CNTN6: variants seen among roughly 807,000 people sequenced by gnomAD.
The protein encoded by CNTN6 is contactin-6.
CNTN6 carries 137 observed loss-of-function variants against 122.8 expected under a neutral mutation model. That is an observed-to-expected ratio of 1.12 (90% CI 0.97 to 1.29). CNTN6 has a LOEUF of 1.29. Among genes scored for constraint, CNTN6 ranks in the 50% most tolerant of loss-of-function variants. The pLI, the probability that CNTN6 is intolerant of heterozygous loss-of-function variation, is 0.00. For synonymous variants in CNTN6, 570 were observed against 426.0 expected (o/e 1.34, Z -4.16); for missense variants, 1,634 against 1,223.4 (o/e 1.34, Z -5.01).
At chr3:1,249,862 G>C (rs1487733466) in intron 4 of CNTN6, among the ~76,000 whole-genome samples, 1 of 152,022 alleles carries the variant, frequency 6.6e-6, no homozygotes, top group Non-Finnish European at 1.5e-5. Flanking sequence ...ATAAACAACT[G>C]TGCTGGAGGC....
rs773026703 is a variant in CNTN6 at position 1,385,737 on chromosome 3, TACA to T, written c.2648_2650del (p.Asn883del). 10 of 1,614,118 alleles carry T rather than the reference TACA, an allele frequency of 6.2e-6. No individual in the cohort carries two copies. The highest frequency in any genetic ancestry group is 7.6e-6 in the Non-Finnish European group (9 of 1,179,962). ...CATCTACTTTGCTTCCGTAAGAGCTTACAACACTGCTGGGACAGGGCCCTCAAG... is the reference window on the plus strand; with the variant it reads ...CATCTACTTTGCTTCCGTAAGAGCTTACACTGCTGGGACAGGGCCCTCAAG... On this transcript the variant is annotated inframe_deletion, in exon 20 of 23. Transcript: ENST00000446702.
rs145576071 is a variant in CNTN6, at chr3:1,366,818, C to T, written c.1493-5481C>T. Among the ~76,000 whole-genome samples, 441 of 152,190 alleles carry T rather than the reference C, an allele frequency of 2.9e-3. 2 individuals carry two copies. Among genetic ancestry groups the T allele is most frequent in the African/African-American group, 0.01 (417 of 41,534 alleles). Reference sequence around the variant, plus strand: ...ATACAGCAGTTAAAATGTTCTTGTCCAAGCACCTCTTCACCCACACAGGAG... The same window carrying T: ...ATACAGCAGTTAAAATGTTCTTGTCTAAGCACCTCTTCACCCACACAGGAG... On this transcript the variant is annotated intron_variant, in intron 12 of 22. Coordinates refer to ENST00000446702, the MANE Select transcript of CNTN6 (RefSeq NM_001289080.2).
chr3:1,368,173 T>C (rs1708501237), intron 12 of CNTN6, among the ~76,000 whole-genome samples: 1 of 152,172 alleles, frequency 6.6e-6, no homozygotes, highest in Non-Finnish European at 1.5e-5. Context: ...TGCTTTGTAA[T>C]TGAAGATACA....
intron 7 of CNTN6, among the ~76,000 whole-genome samples, chr3:1,318,876 C>A (rs1016375730): frequency 6.6e-6 from 1 of 151,688 alleles, no homozygotes; most frequent in Non-Finnish European, 1.5e-5. Flanking sequence ...CATGTACTGG[C>A]TCTTAAGGGT....
At chr3:1,260,774 G>T (rs1228136119) in intron 4 of CNTN6, among the ~76,000 whole-genome samples, 11 of 151,844 alleles carry the variant, frequency 7.2e-5, no homozygotes, top group Non-Finnish European at 1.3e-4. Flanking sequence ...CCTTTTGCTT[G>T]GTACCTCTAC....
At chr3:1,098,038 T>A (rs2090625443) in intron 1 of CNTN6, among the ~76,000 whole-genome samples, 1 of 148,818 alleles carries the variant, frequency 6.7e-6, no homozygotes, top group Admixed American at 6.8e-5. Flanking sequence ...AAAATAGAAA[T>A]GGTATTTCTG....
Position 1,374,798 on chromosome 3 carries a change from T to G in CNTN6, c.2095+725T>G, listed in dbSNP as rs570339800. Among the ~76,000 whole-genome samples, 4 of 152,176 alleles carry G rather than the reference T, an allele frequency of 2.6e-5. No individual in the cohort carries two copies. The South Asian group carries it at 8.3e-4, about 32-fold the overall frequency. The stretch of plus-strand genomic sequence containing the variant: ...CTTAATTTAACAAACACAAATTACC[T>G]TATTAAAGTGTGCACAATTGTCAGA... On this transcript the variant is annotated intron_variant, in intron 16 of 22. Transcript: ENST00000446702.
chr3:1,376,308 CAG>C (rs1709857612), intron 16 of CNTN6, among the ~76,000 whole-genome samples: 2 of 152,020 alleles, frequency 1.3e-5, no homozygotes, highest in African/African-American at 4.8e-5. Flanking sequence ...TACAAGGATA[CAG>C]AGTTGAAGGG....
chr3:1,172,812 G>A (rs892968651), intron 2 of CNTN6, among the ~76,000 whole-genome samples: 2 of 152,184 alleles, frequency 1.3e-5, no homozygotes, highest in Admixed American at 6.5e-5. Context: ...TCTATCTATA[G>A]CCCTGTCATG....
chr3:1,330,732 T>A (rs1010110870), intron 11 of CNTN6, among the ~76,000 whole-genome samples: 1 of 151,850 alleles, frequency 6.6e-6, no homozygotes, highest in African/African-American at 2.4e-5. Context: ...CCATGACTTA[T>A]ATGCATACCA....
intron 2 of CNTN6, among the ~76,000 whole-genome samples, chr3:1,189,630 G>A (rs2093673286): frequency 6.6e-6 from 1 of 152,088 alleles, no homozygotes; most frequent in South Asian, 2.1e-4. Context: ...ACCTTGACTG[G>A]TATTACATTG....
intron 20 of CNTN6, among the ~76,000 whole-genome samples, chr3:1,396,590 G>A (rs752156830): frequency 3.3e-5 from 5 of 152,096 alleles, no homozygotes; most frequent in Non-Finnish European, 4.4e-5. Context: ...GTACACCAAG[G>A]TGACCCAGAG....
chr3:1,158,867 CAT>C (rs1219848420), intron 2 of CNTN6, among the ~76,000 whole-genome samples: 29 of 22,334 alleles, frequency 1.3e-3, no homozygotes, highest in Middle Eastern at 0.026. Flanking sequence ...TATATACACA[CAT>C]ATATATACAC....
At chr3:1,112,731 C>T (rs758969299) in intron 1 of CNTN6, among the ~76,000 whole-genome samples, 3 of 152,116 alleles carry the variant, frequency 2.0e-5, no homozygotes, top group East Asian at 3.9e-4. Context: ...TTATTTAATC[C>T]GATCAGATTG....
At chr3:1,204,242 G>GATA (rs1379431550) in intron 2 of CNTN6, among the ~76,000 whole-genome samples, 4 of 152,098 alleles carry the variant, frequency 2.6e-5, no homozygotes, top group Admixed American at 2.6e-4. Flanking sequence ...ATATCTCAAT[G>GATA]ATAATAATAG....
At chr3:1,387,621 G>A (rs552084996) in intron 20 of CNTN6, among the ~76,000 whole-genome samples, 272 of 152,280 alleles carry the variant, frequency 1.8e-3, no homozygotes, top group Admixed American at 4.4e-3. Context: ...CAGTGAAGAC[G>A]CGTGATTTCT....
rs528789379 is a variant in CNTN6 at position 1,329,240 on chromosome 3, C to G, written c.1214-545C>G. Among the ~76,000 whole-genome samples the G allele has an allele frequency of 1.9e-3, 272 of 142,744 alleles. 2 individuals carry two copies. Among genetic ancestry groups the G allele is most frequent in the South Asian group, 0.016 (78 of 4,760 alleles). 93.6% of individuals were successfully genotyped at this position (142,744 alleles called of 152,430 possible). A position where few individuals can be genotyped will look rare whatever the true frequency, so the allele number is the denominator to read the frequency against. ...ATATATATGGATACACATGTATGTG[C>G]ATACATGTATATGTGTGTGTGTGTT... On this transcript the variant is annotated intron_variant, in intron 10 of 22. Transcript: ENST00000446702.
intron 4 of CNTN6, among the ~76,000 whole-genome samples, chr3:1,264,930 T>C (rs1256225054): frequency 6.6e-6 from 1 of 152,142 alleles, no homozygotes; most frequent in African/African-American, 2.4e-5. Context: ...ATTTAACTTT[T>C]TTGATTCCTT....
chr3:1,285,494 C>T (rs1280584987), intron 5 of CNTN6, among the ~76,000 whole-genome samples: 1 of 152,048 alleles, frequency 6.6e-6, no homozygotes, highest in Non-Finnish European at 1.5e-5. Flanking sequence ...TGGAACTCAC[C>T]TTATATAAGT....
Sources: allele counts gnomAD v4.1 joint callset (sites outside exome capture counted in the v4.1 genomes callset), GRCh38; gene constraint gnomAD v4.1.1; transcripts MANE v1.5; gene names NCBI Gene and HGNC (gene_info 2026-07-23, HGNC 2026-07-21).